The following N4BP3 variants were observed in gnomAD, a reference collection of about 807,000 sequenced individuals.
The protein encoded by N4BP3 is NEDD4 binding protein 3.
A neutral mutation model predicts 43.8 loss-of-function variants in N4BP3; 33 were observed. That is an observed-to-expected ratio of 0.75 (90% CI 0.57 to 1.01). N4BP3 has a LOEUF of 1.01. Among genes scored for constraint, N4BP3 ranks in the 50% least tolerant of loss-of-function variants. The pLI is 0.00. For synonymous variants in N4BP3, 326 were observed against 321.9 expected, an observed-to-expected ratio of 1.01 and a Z score of -0.14; for missense variants, 756 against 744.2, an observed-to-expected ratio of 1.02 and a Z score of -0.18.
intron 1 of N4BP3, among the ~76,000 whole-genome samples, chr5:178,119,087 G>A (rs769758627): frequency 5.3e-5 from 8 of 152,176 alleles, no homozygotes; most frequent in South Asian, 2.1e-4. Flanking sequence ...GATGGTCTGC[G>A]TTTCCTGACC....
In N4BP3 at chr5:178,120,379, G is replaced by C; in HGVS notation, c.532G>C (p.Asp178His). Residue 178 changes from aspartate (D) to histidine (H), a missense_variant, in exon 3 of 5, where the codon GAT becomes CAT. By Grantham distance (81) the Asp-to-His change is moderately conservative. Coordinates refer to ENST00000274605, the MANE Select transcript of N4BP3 (RefSeq NM_015111.2). ...ACAGCTGCTGCACGCCCTCAGCCTA[G>C]ATGAGGGCGGCCCTGAGCCCGAGCC... Reference protein sequence around the residue: ...RAQLLHALSLDEGGPEPEPSL... With the variant: ...RAQLLHALSLHEGGPEPEPSL... 6.8e-6 allele frequency: 11 copies of C among 1,612,592 alleles called. No individual in the cohort carries two copies. The highest frequency in any genetic ancestry group is 9.3e-6 in the Non-Finnish European group (11 of 1,179,768).
chr5:178,121,862 G>A lies in N4BP3; in HGVS notation c.1496G>A (p.Arg499His), dbSNP rs373063135. ...CGGACTTGGCAGGAGGAGAAGGAGC[G>A]CGTGCTGCGCTACCAGCGGGAGATC... ...ERRTWQEEKERVLRYQREIQG... is the reference protein window; with the variant it reads ...ERRTWQEEKEHVLRYQREIQG... The change falls in exon 5 of 5, where the codon CGC (arginine) becomes CAC (histidine). Residue 499 changes from arginine to histidine, a missense_variant. Coordinates refer to ENST00000274605, the MANE Select transcript of N4BP3 (RefSeq NM_015111.2). The A allele has an allele frequency of 9.9e-6, 16 of 1,608,192 alleles. No individual in the cohort carries two copies. The highest frequency in any genetic ancestry group is 6.6e-5 in the South Asian group (6 of 90,706).
rs757707517 is a variant in N4BP3, at chr5:178,121,709, A to AGAGCAGGGGCCTGCTAGGGG, written c.1344_1363dup (p.Glu455GlyfsTer6). 1.2e-6 allele frequency: 2 copies of AGAGCAGGGGCCTGCTAGGGG among 1,609,714 alleles called. No homozygotes were observed. Among genetic ancestry groups the AGAGCAGGGGCCTGCTAGGGG allele is most frequent in the South Asian group, 2.2e-5 (2 of 91,084 alleles). On this transcript the variant is annotated frameshift_variant, in exon 5 of 5. Coordinates refer to ENST00000274605, the MANE Select transcript of N4BP3 (RefSeq NM_015111.2). LOFTEE classifies it high-confidence loss of function. Reference sequence around the variant, plus strand: ...GGCAGCTGTGAGACTGATGACTGCAAGAGCAGGGGCCTGCTAGGGGAGGCA... The same window carrying AGAGCAGGGGCCTGCTAGGGG: ...GGCAGCTGTGAGACTGATGACTGCAAGAGCAGGGGCCTGCTAGGGGGAGCAGGGGCCTGCTAGGGGAGGCA...
intron 1 of N4BP3, among the ~76,000 whole-genome samples, chr5:178,117,963 G>A (rs756423011): frequency 5.3e-5 from 8 of 152,174 alleles, no homozygotes; most frequent in Non-Finnish European, 1.0e-4. Context: ...ACCTCCTAAC[G>A]ACCATTGTTC....
In N4BP3 at chr5:178,119,837, C is replaced by A. The variant is rs1422255887; in HGVS notation, c.254C>A (p.Thr85Asn). 19 of 1,613,204 alleles carry A rather than the reference C, an allele frequency of 1.2e-5. No homozygotes were observed. The highest frequency in any genetic ancestry group is 1.5e-5 in the Non-Finnish European group (18 of 1,180,012). Residue 85 changes from threonine (T) to asparagine (N), a missense_variant, in exon 2 of 5, where the codon ACC becomes AAC. Thr to Asn is a moderately conservative substitution (Grantham distance 65). Transcript: ENST00000274605. Reference protein sequence around the residue: ...APRNEPADYATLYYREHSRAG... With the variant: ...APRNEPADYANLYYREHSRAG... ...CGGAACGAGCCTGCCGACTATGCCA[C>A]CCTCTACTACCGGGAACATTCTCGC...
downstream of N4BP3, among the ~76,000 whole-genome samples, chr5:178,126,279 A>G (rs1240317528): frequency 1.6e-5 from 1 of 64,062 alleles, no homozygotes; most frequent in African/African-American, 4.5e-5. Context: ...CCCGAGTTCA[A>G]GCAGTTCTTC....
At position 178,126,010 on chromosome 5, in the gene N4BP3, T is replaced by G. The variant is rs1022923030; in HGVS notation, c.*4009T>G. 4 of 152,028 alleles carry G rather than the reference T, an allele frequency of 2.6e-5. No individual in the cohort carries two copies. The highest frequency in any genetic ancestry group is 9.7e-5 in the African/African-American group (4 of 41,382). 9.4% of individuals were successfully genotyped at this position (152,028 alleles called of 1,614,324 possible). ...TGGTGTAAAAATAATCTACACCTCA[T>G]GGAAAGAATGAAGAGCCAGAAATAG... is the stretch of plus-strand genomic sequence containing the variant. On this transcript the variant is annotated 3_prime_UTR_variant, in exon 5 of 5. Coordinates refer to ENST00000274605, the MANE Select transcript of N4BP3 (RefSeq NM_015111.2).
Position 178,125,393 on chromosome 5 carries a change from G to T in N4BP3, c.*3392G>T. 6.6e-6 allele frequency: 1 copy of T among 152,490 alleles called. No homozygotes were observed. The allele number at this position is 152,490 out of a possible 1,614,324, so 9.4% of individuals were successfully genotyped here. On this transcript the variant is annotated 3_prime_UTR_variant, in exon 5 of 5. Transcript: ENST00000274605. ...TAGGGACAACAGAGGGGCCTCCATGGTGGCATGGGTCAGCAGAGCATGGAG... is the reference window on the plus strand; with the variant it reads ...TAGGGACAACAGAGGGGCCTCCATGTTGGCATGGGTCAGCAGAGCATGGAG...
downstream of N4BP3, among the ~76,000 whole-genome samples, chr5:178,126,609 GCTCA>G (rs1758070232): frequency 6.6e-6 from 1 of 152,126 alleles, no homozygotes; most frequent in Non-Finnish European, 1.5e-5. Flanking sequence ...TCTGACCATC[GCTCA>G]CTCCTTTTCC....
intron 1 of N4BP3, among the ~76,000 whole-genome samples, chr5:178,114,904 T>C (rs1454721844): frequency 6.6e-6 from 1 of 152,036 alleles, no homozygotes; most frequent in Non-Finnish European, 1.5e-5. Flanking sequence ...GAAACAGGCA[T>C]GGAGGGCTGG....
chr5:178,120,059 G>T (rs1448311372), intron 2 of N4BP3, 119 bp from the exon 3 acceptor site: 1 of 1,475,868 alleles, frequency 6.8e-7, no homozygotes, highest in Non-Finnish European at 9.1e-7. Context: ...ACTGCCTCCT[G>T]GTGGCACGTG....
Position 178,120,687 on chromosome 5 carries a change from C to T in N4BP3, c.840C>T (p.Asn280=). The T allele has an allele frequency of 2.5e-6, 4 of 1,589,782 alleles. No homozygotes were observed. Among genetic ancestry groups the T allele is most frequent in the Non-Finnish European group, 3.4e-6 (4 of 1,173,184 alleles). Residue 280 remains asparagine (N), a synonymous_variant, in exon 3 of 5, where the codon AAC becomes AAT. Transcript: ENST00000274605. ...GCCTTGGCGATGAGGACGGCTCCAA[C>T]CCCTTCACGCAGGTGAGGGAGCCCC... ...KRGLGDEDGS[N]PFTQVLEERQ... is the part of the protein sequence containing the mutation.
At position 178,120,231 on chromosome 5, in the gene N4BP3, C is replaced by T; in HGVS notation, c.384C>T (p.Phe128=). The T allele has an allele frequency of 6.2e-7, 1 of 1,602,364 alleles. No homozygotes were observed. Among genetic ancestry groups the T allele is most frequent in the Non-Finnish European group, 8.5e-7 (1 of 1,172,876 alleles). ...FKPTAGNGKG[F]LSMQSLASHK... is the part of the protein sequence containing the mutation. Reference sequence around the variant, plus strand: ...CTACGGCGGGCAACGGGAAAGGCTTCCTATCCATGCAAAGTCTGGCGTCCC... The same window carrying T: ...CTACGGCGGGCAACGGGAAAGGCTTTCTATCCATGCAAAGTCTGGCGTCCC... The change falls in exon 3 of 5, where the codon TTC becomes TTT. Residue 128 remains phenylalanine (F), a synonymous_variant. Coordinates refer to ENST00000274605, the MANE Select transcript of N4BP3 (RefSeq NM_015111.2).
intron 1 of N4BP3, among the ~76,000 whole-genome samples, chr5:178,116,650 T>C (rs1250823762): frequency 7.9e-5 from 12 of 152,190 alleles, no homozygotes; most frequent in Admixed American, 1.3e-4. Flanking sequence ...GGGGCTGACA[T>C]GTGGCACACC....
rs765862688 is a variant in N4BP3 at position 178,121,293 on chromosome 5, C to T, written c.1048C>T (p.Pro350Ser). The T allele has an allele frequency of 2.5e-6, 4 of 1,606,342 alleles. No homozygotes were observed. The highest frequency in any genetic ancestry group is 2.6e-6 in the Non-Finnish European group (3 of 1,175,744). ...QQGLAPEPRA[P>S]GTLPEADPSA... is the part of the protein sequence containing the mutation. ...GGGCCTGGCTCCGGAGCCTCGGGCC[C>T]CCGGCACCCTCCCAGAGGCTGACCC... The change falls in exon 4 of 5, where the codon CCC becomes TCC. Residue 350 changes from proline (P) to serine (S), a missense_variant. Coordinates refer to ENST00000274605, the MANE Select transcript of N4BP3 (RefSeq NM_015111.2).
intron 1 of N4BP3, among the ~76,000 whole-genome samples, chr5:178,116,969 AT>A (rs931135723): frequency 1.7e-4 from 25 of 150,290 alleles, no homozygotes; most frequent in East Asian, 5.8e-4. Flanking sequence ...TTCCCACTTC[AT>A]TTTTTTTTCC....
chr5:178,119,795 A>C lies in N4BP3; in HGVS notation c.212A>C (p.Asn71Thr), dbSNP rs1465550046. The C allele has an allele frequency of 6.2e-7, 1 of 1,613,454 alleles. No individual in the cohort carries two copies. The highest frequency in any genetic ancestry group is 1.7e-5 in the Admixed American group (1 of 60,016). ...LPKKDSKSTKNTKRAPRNEPA... is the reference protein window; with the variant it reads ...LPKKDSKSTKTTKRAPRNEPA... ...AAGAAGGACAGCAAGAGCACCAAGA[A>C]CACCAAGCGGGCCCCTCGGAACGAG... The change falls in exon 2 of 5, where the codon AAC (asparagine) becomes ACC (threonine). Residue 71 changes from asparagine (N) to threonine (T), a missense_variant. Asn to Thr is a moderately conservative substitution (Grantham distance 65). Transcript: ENST00000274605.
Position 178,121,509 on chromosome 5 carries a change from G to A in N4BP3, c.1143G>A (p.Lys381=). Residue 381 remains lysine, a synonymous_variant, in exon 5 of 5, where the codon AAG becomes AAA. Coordinates refer to ENST00000274605, the MANE Select transcript of N4BP3 (RefSeq NM_015111.2). ...AGACAGCAGAGATTAGCCTCTTGAAGCAGCAGCTGCGTGAAGCCCAGGCGG... is the reference window on the plus strand; with the variant it reads ...AGACAGCAGAGATTAGCCTCTTGAAACAGCAGCTGCGTGAAGCCCAGGCGG... ...CQKTAEISLL[K]QQLREAQAEL... 2.5e-6 allele frequency: 4 copies of A among 1,613,952 alleles called. No homozygotes were observed. In the South Asian group the frequency reaches 4.4e-5, roughly 18 times the overall value.
intron 1 of N4BP3, among the ~76,000 whole-genome samples, chr5:178,116,190 CCTGCCCAG>C (rs1442389432): frequency 5.1e-5 from 1 of 19,438 alleles, no homozygotes; most frequent in Non-Finnish European, 9.9e-5. Context: ...GCACAGCTGC[CCTGCCCAG>C]CTGCCCTGCC....
Sources: allele counts gnomAD v4.1 joint callset (sites outside exome capture counted in the v4.1 genomes callset), GRCh38; gene constraint gnomAD v4.1.1; transcripts MANE v1.5; gene names NCBI Gene and HGNC (gene_info 2026-07-23, HGNC 2026-07-21).